The following EFCAB12 variants were observed in gnomAD, a reference collection of about 807,000 sequenced individuals.
EFCAB12 encodes the protein EF-hand calcium-binding domain-containing protein 12.
In EFCAB12, 43 loss-of-function variants were observed where a neutral mutation model predicts 53.6. That is an observed-to-expected ratio of 0.80 (90% CI 0.63 to 1.03). The LOEUF is 1.03. EFCAB12 is among the 50% of genes least tolerant of loss of function. EFCAB12 has a pLI of 0.00. For synonymous variants in EFCAB12, 269 were observed against 289.2 expected, an observed-to-expected ratio of 0.93 and a Z score of 0.71; for missense variants, 646 against 730.6, an observed-to-expected ratio of 0.88 and a Z score of 1.34.
intron 5 of EFCAB12, 34 bp downstream of exon 5, chr3:129,411,124 C>T: frequency 6.5e-7 from 1 of 1,543,616 alleles, no homozygotes; most frequent in South Asian, 1.2e-5. Flanking sequence ...CTCCAGTCCC[C>T]AAGCCGCATG....
chr3:129,421,915 C>G, intron 1 of EFCAB12, 112 bp from the exon 2 acceptor site: 2 of 1,065,862 alleles, frequency 1.9e-6, no homozygotes, highest in Non-Finnish European at 2.6e-6. Flanking sequence ...GGATCCCAGG[C>G]CAGGCTTTAT....
chr3:129,410,566 C>T (rs2072024085), intron 5 of EFCAB12, among the ~76,000 whole-genome samples: 1 of 152,182 alleles, frequency 6.6e-6, no homozygotes, highest in African/African-American at 2.4e-5. Context: ...AGTCCTCCTA[C>T]CTTGGCCTCT....
In EFCAB12 at chr3:129,401,728, C is replaced by T. The variant is rs368604282; in HGVS notation, c.1584G>A (p.Ala528=). 137 of 1,599,354 alleles carry T rather than the reference C, an allele frequency of 8.6e-5. 2 individuals are homozygous for T. In the Admixed American group the frequency reaches 1.1e-3, roughly 12 times the overall value. Residue 528 remains alanine (A), a synonymous_variant, in exon 9 of 9, where the codon GCG becomes GCA. Coordinates refer to ENST00000505956, the MANE Select transcript of EFCAB12 (RefSeq NM_207307.3). ...LPTVATDRSL[A]LFSCVQHQPH... is the part of the protein sequence containing the mutation. ...GCTGGTGTTGAACACAACTGAAGAG[C>T]GCCAGGCTCCGGTCTGTGGCCACAG...
intron 1 of EFCAB12, among the ~76,000 whole-genome samples, chr3:129,424,284 C>G (rs567164767): frequency 6.6e-6 from 1 of 152,130 alleles, no homozygotes; most frequent in Non-Finnish European, 1.5e-5. Flanking sequence ...GCATCTGTGT[C>G]CTTGCCCAAA....
chr3:129,421,805 T>C lies in EFCAB12; in HGVS notation c.50-2A>G. The C allele has an allele frequency of 6.2e-7, 1 of 1,609,318 alleles. No individual in the cohort carries two copies. Among genetic ancestry groups the C allele is most frequent in the Non-Finnish European group, 8.5e-7 (1 of 1,177,230 alleles). On this transcript the variant is annotated splice_acceptor_variant, in intron 1 of 8. Coordinates refer to ENST00000505956, the MANE Select transcript of EFCAB12 (RefSeq NM_207307.3). LOFTEE classifies it high-confidence loss of function. ...TGGGAGTCTTAGACGGGCAGAGTCC[T>C]TGGGGTAAGAGAGTTAAAAGATGAG...
At chr3:129,417,293 C>G (rs1311299257) in intron 3 of EFCAB12, among the ~76,000 whole-genome samples, 2 of 142,828 alleles carry the variant, frequency 1.4e-5, no homozygotes, top group Non-Finnish European at 3.0e-5. Context: ...CCACCGCACT[C>G]CAGCCTGGTG....
chr3:129,413,002 T>C lies in EFCAB12; in HGVS notation c.839-1648A>G, dbSNP rs570591349. The C allele has an allele frequency of 4.6e-5, 7 of 152,274 alleles. No homozygotes were observed. In the East Asian group the frequency reaches 5.8e-4, roughly 13 times the overall value. 9.4% of individuals were successfully genotyped at this position (152,274 alleles called of 1,614,324 possible). ...AATATCCTGACCTTACCACCTTCTA[T>C]TGAGGCTGTGAACAAGTGGCTCAGC... On this transcript the variant is annotated intron_variant, in intron 4 of 8. Transcript: ENST00000505956.
chr3:129,418,509 G>A, intron 2 of EFCAB12, 61 bp from the exon 3 acceptor site: 6 of 1,457,208 alleles, frequency 4.1e-6, no homozygotes, highest in South Asian at 1.4e-5. Flanking sequence ...CCAGGCGGAT[G>A]CAGTCCCCAG....
At chr3:129,406,819 A>T (rs9827862) in intron 6 of EFCAB12, among the ~76,000 whole-genome samples, 1 of 150,296 alleles carries the variant, frequency 6.7e-6, no homozygotes, top group East Asian at 2.0e-4. Flanking sequence ...TGACCGTTGG[A>T]GGGGGGAGAT....
At chr3:129,425,265 C>T (rs931071785) in intron 1 of EFCAB12, among the ~76,000 whole-genome samples, 1 of 152,148 alleles carries the variant, frequency 6.6e-6, no homozygotes. Context: ...AATGTAAATT[C>T]ACAGTCTGTC....
chr3:129,403,269 C>T (rs1003705330), intron 7 of EFCAB12: 1 of 152,566 alleles, frequency 6.6e-6, no homozygotes, highest in Non-Finnish European at 1.5e-5. Context: ...CCTACTCCTG[C>T]ACTTGAAGAT....
At chr3:129,412,328 G>A (rs191067271) in intron 4 of EFCAB12, 4 of 152,490 alleles carry the variant, frequency 2.6e-5, no homozygotes, top group African/African-American at 9.6e-5. Flanking sequence ...GCTGCAGTAA[G>A]CTATGATCAC....
chr3:129,410,318 A>AT (rs11321465), intron 5 of EFCAB12, among the ~76,000 whole-genome samples: 6,720 of 144,098 alleles, frequency 0.047, 718 homozygotes, highest in East Asian at 0.43. Context: ...CCTGTATATA[A>AT]TTTTTTTTTT....
At chr3:129,404,041 G>A in intron 7 of EFCAB12, 1 of 537,698 alleles carries the variant, frequency 1.9e-6, no homozygotes, top group Admixed American at 3.2e-5. Flanking sequence ...GGGAGCTGAG[G>A]CCAGCAGGCC....
chr3:129,412,533 G>T (rs2072059323), intron 4 of EFCAB12: 1 of 152,290 alleles, frequency 6.6e-6, no homozygotes, highest in African/African-American at 2.4e-5. Flanking sequence ...ACAGCATTTA[G>T]ACCAAAACCC....
chr3:129,405,490 AAG>A (rs2107735768), intron 6 of EFCAB12, among the ~76,000 whole-genome samples: 1 of 152,370 alleles, frequency 6.6e-6, no homozygotes, highest in Non-Finnish European at 1.5e-5. Context: ...GGAAAAGGAA[AAG>A]AGATTTGTGA....
chr3:129,419,734 C>G (rs1029912647), intron 2 of EFCAB12, among the ~76,000 whole-genome samples: 1 of 152,176 alleles, frequency 6.6e-6, no homozygotes, highest in African/African-American at 2.4e-5. Flanking sequence ...CTTTCAGCCT[C>G]CAGGACTGTG....
At chr3:129,426,422 T>C (rs887595348) in intron 1 of EFCAB12, among the ~76,000 whole-genome samples, 18 of 142,272 alleles carry the variant, frequency 1.3e-4, no homozygotes, top group Non-Finnish European at 2.3e-4. Context: ...TAAAGTGCAG[T>C]GGCACGATCT....
At chr3:129,409,964 A>G (rs1211490161) in intron 5 of EFCAB12, among the ~76,000 whole-genome samples, 1 of 152,100 alleles carries the variant, frequency 6.6e-6, no homozygotes, top group Non-Finnish European at 1.5e-5. Flanking sequence ...TTATAGGTAT[A>G]AATACAAATA....
Sources: gnomAD v4.1 joint callset for allele counts (sites outside exome capture counted in the v4.1 genomes callset) on GRCh38, gnomAD v4.1.1 for gene constraint, MANE v1.5 for transcripts, NCBI Gene and HGNC (gene_info 2026-07-23, HGNC 2026-07-21) for gene names.